The following HBS1L variants were observed in gnomAD, a reference collection of about 807,000 sequenced individuals.
The protein encoded by HBS1L is HBS1-like protein.
HBS1L carries 55 observed loss-of-function variants against 88.9 expected under a neutral mutation model. The observed-to-expected ratio is 0.62, with a 90% CI of 0.50 to 0.77. HBS1L has a LOEUF of 0.77. Ranked by LOEUF, HBS1L falls within the 30% of genes least tolerant of loss-of-function variation. The pLI, the probability that HBS1L is intolerant of heterozygous loss-of-function variation, is 0.00. For missense variants in HBS1L, 741 were observed against 829.3 expected, an observed-to-expected ratio of 0.89 and a Z score of 1.31; for synonymous variants, 267 against 288.5, an observed-to-expected ratio of 0.93 and a Z score of 0.76.
At chr6:134,992,293 G>A (rs182345582) in intron 8 of HBS1L, among the ~76,000 whole-genome samples, 215 of 152,198 alleles carry the variant, frequency 1.4e-3, no homozygotes, top group Admixed American at 0.013. Flanking sequence ...ACCATGGACC[G>A]CATACGTGAT....
chr6:135,051,520 T>C (rs1359262722), intron 1 of HBS1L, among the ~76,000 whole-genome samples: 1 of 152,216 alleles, frequency 6.6e-6, no homozygotes, highest in Non-Finnish European at 1.5e-5. Flanking sequence ...AGGCCATTTC[T>C]TTCTGCTAGT....
At chr6:134,984,968 G>A (rs753757406) in intron 12 of HBS1L, among the ~76,000 whole-genome samples, 8 of 152,090 alleles carry the variant, frequency 5.3e-5, no homozygotes, top group Admixed American at 1.3e-4. Context: ...AGGGAAGCAC[G>A]GGTAGACATG....
At chr6:134,969,209 G>A in intron 16 of HBS1L, 29 bp downstream of exon 16, 1 of 1,462,202 alleles carries the variant, frequency 6.8e-7, no homozygotes, top group Non-Finnish European at 9.6e-7. Flanking sequence ...TAAATTGCTT[G>A]TTTATCATTT....
chr6:135,033,593 A>G (rs140599662), intron 4 of HBS1L, among the ~76,000 whole-genome samples: 21 of 152,264 alleles, frequency 1.4e-4, no homozygotes, highest in African/African-American at 5.1e-4. Context: ...TTACCACCCT[A>G]TAATATCTAA....
At chr6:135,029,428 A>C (rs984302789) in intron 4 of HBS1L, among the ~76,000 whole-genome samples, 100 of 152,134 alleles carry the variant, frequency 6.6e-4, no homozygotes, top group African/African-American at 2.4e-3. Flanking sequence ...GAAATGAGAG[A>C]TAAACCAGCA....
intron 8 of HBS1L, among the ~76,000 whole-genome samples, chr6:134,992,070 A>T (rs1775156374): frequency 6.6e-6 from 1 of 152,200 alleles, no homozygotes; most frequent in African/African-American, 2.4e-5. Flanking sequence ...TCTGTCTCAA[A>T]AAATTAATAT....
At chr6:135,051,927 C>T (rs956093212) in intron 1 of HBS1L, among the ~76,000 whole-genome samples, 15 of 152,160 alleles carry the variant, frequency 9.9e-5, no homozygotes, top group African/African-American at 3.6e-4. Context: ...AAGGAATACA[C>T]ACAAGATAAT....
Position 134,968,702 on chromosome 6 carries a change from C to T in HBS1L, c.1898+536G>A, listed in dbSNP as rs1228104832. Reference sequence around the variant, plus strand: ...CTGGACATTAATGCTAATCAGCAGGCCCAACAGGATGCTGATCACCTCAAC... The same window carrying T: ...CTGGACATTAATGCTAATCAGCAGGTCCAACAGGATGCTGATCACCTCAAC... On this transcript the variant is annotated intron_variant, in intron 16 of 17. Transcript: ENST00000367837. Among the ~76,000 whole-genome samples the T allele has an allele frequency of 2.0e-5, 3 of 151,510 alleles. No individual in the cohort carries two copies. The East Asian group carries it at 5.8e-4, about 29-fold the overall frequency.
chr6:135,020,249 C>T (rs1776035732), intron 4 of HBS1L, among the ~76,000 whole-genome samples: 3 of 151,622 alleles, frequency 2.0e-5, no homozygotes, highest in Admixed American at 1.3e-4. Flanking sequence ...AGCATTTGCT[C>T]CTTAAGTGGT....
rs201018658 is a variant in HBS1L at position 135,036,397 on chromosome 6, T to TA, written c.430+3175dup. ...AGTTATCACTGAAAGAAGACATAGT[T>TA]AAAAAAAAAATCAGTGCAAAAATAC... On this transcript the variant is annotated intron_variant, in intron 4 of 17. Transcript: ENST00000367837. 3.2e-3 allele frequency: 3,881 copies of TA among 1,206,116 alleles called. 9 individuals are homozygous for TA. The highest frequency in any genetic ancestry group is 0.02 in the African/African-American group (1,238 of 62,996). 74.7% of individuals were successfully genotyped at this position (1,206,116 alleles called of 1,614,324 possible). A position where few individuals can be genotyped will look rare whatever the true frequency, so the allele number is the denominator to read the frequency against.
intron 4 of HBS1L, chr6:135,037,453 A>G (rs778208363): frequency 6.5e-7 from 1 of 1,549,600 alleles, no homozygotes; most frequent in Non-Finnish European, 8.7e-7. Context: ...TAAATTATCA[A>G]CAGTCATATT....
intron 8 of HBS1L, among the ~76,000 whole-genome samples, chr6:134,989,372 C>G (rs1241589281): frequency 6.6e-6 from 1 of 152,146 alleles, no homozygotes; most frequent in Non-Finnish European, 1.5e-5. Context: ...CCCTTTTTAG[C>G]TATCTCGGGC....
chr6:134,969,091 G>C, intron 16 of HBS1L, 147 bp downstream of exon 16: 2 of 605,776 alleles, frequency 3.3e-6, no homozygotes, highest in Non-Finnish European at 5.9e-6. Flanking sequence ...TTTTATGTTT[G>C]TTTTAATCTA....
At chr6:135,041,206 C>G (rs930344802) in intron 3 of HBS1L, among the ~76,000 whole-genome samples, 1 of 151,516 alleles carries the variant, frequency 6.6e-6, no homozygotes, top group Non-Finnish European at 1.5e-5. Context: ...AAATACATTC[C>G]TGAAATATTT....
chr6:135,018,465 C>A (rs1192191213), intron 4 of HBS1L, among the ~76,000 whole-genome samples: 1 of 151,882 alleles, frequency 6.6e-6, no homozygotes, highest in Non-Finnish European at 1.5e-5. Flanking sequence ...ACTGAACCAG[C>A]AATTTTTTAA....
intron 15 of HBS1L, among the ~76,000 whole-genome samples, chr6:134,971,692 T>A (rs1774492049): frequency 6.6e-6 from 1 of 152,110 alleles, no homozygotes; most frequent in Non-Finnish European, 1.5e-5. Context: ...ATAACCAAAG[T>A]CATCTATAAT....
rs1186435103 is a variant in HBS1L, at chr6:134,963,897, G to A, written c.*1382C>T. 2 of 142,522 alleles carry A rather than the reference G, an allele frequency of 1.4e-5. No homozygotes were observed. Among genetic ancestry groups the A allele is most frequent in the Admixed American group, 1.4e-4 (2 of 14,532 alleles). The allele number at this position is 142,522 out of a possible 1,614,324, so 8.8% of individuals were successfully genotyped here. On this transcript the variant is annotated 3_prime_UTR_variant, in exon 18 of 18. Transcript: ENST00000367837. ...TTTCTTTCTGCTTCAGTCACTTGAA[G>A]TTAGATTTCTGTCACATATATCTGT...
At chr6:135,024,393 T>C (rs1194353949) in intron 4 of HBS1L, among the ~76,000 whole-genome samples, 1 of 145,262 alleles carries the variant, frequency 6.9e-6, no homozygotes, top group African/African-American at 2.6e-5. Flanking sequence ...TGAGCCGAGA[T>C]TGCACCACTA....
intron 4 of HBS1L, among the ~76,000 whole-genome samples, chr6:135,034,896 T>C (rs531106710): frequency 1.3e-5 from 2 of 152,200 alleles, no homozygotes; most frequent in African/African-American, 2.4e-5. Context: ...GGGAATAATT[T>C]TGAAAATACA....
Sources: allele counts gnomAD v4.1 joint callset (sites outside exome capture counted in the v4.1 genomes callset), GRCh38; gene constraint gnomAD v4.1.1; transcripts MANE v1.5; gene names NCBI Gene and HGNC (gene_info 2026-07-23, HGNC 2026-07-21).